The following MARCHF1 variants were observed in gnomAD, a reference collection of about 807,000 sequenced individuals.
MARCHF1 encodes membrane associated ring-CH-type finger 1.
A neutral mutation model predicts 54.2 loss-of-function variants in MARCHF1; 40 were observed. The observed-to-expected ratio is 0.74, with a 90% confidence interval of 0.57 to 0.96. The LOEUF is 0.96. Among genes scored for constraint, MARCHF1 ranks in the 40% least tolerant of loss-of-function variants. The pLI, the probability that MARCHF1 is intolerant of heterozygous loss-of-function variation, is 0.00. For synonymous variants in MARCHF1, 236 were observed against 236.3 expected (o/e 1.00, Z 0.01); for missense variants, 586 against 656.5 (o/e 0.89, Z 1.17).
At chr4:164,159,626 T>C (rs1327352408) in intron 1 of MARCHF1, among the ~76,000 whole-genome samples, 2 of 152,150 alleles carry the variant, frequency 1.3e-5, no homozygotes, top group Admixed American at 1.3e-4. Flanking sequence ...ACGTTCTCAA[T>C]ATGAGCTTCT....
chr4:164,220,736 T>C (rs929415033), intron 1 of MARCHF1, among the ~76,000 whole-genome samples: 2 of 147,000 alleles, frequency 1.4e-5, no homozygotes, highest in Non-Finnish European at 3.0e-5. Context: ...TGTATATATG[T>C]AATATATATG....
In MARCHF1 at chr4:163,528,673, A is replaced by C. The variant is rs1045480192; in HGVS notation, c.*75T>G. 7.0e-6 allele frequency: 10 copies of C among 1,423,622 alleles called. No homozygotes were observed. The highest frequency in any genetic ancestry group is 2.2e-5 in the Admixed American group (1 of 46,334). The allele number at this position is 1,423,622 out of a possible 1,614,324, so 88.2% of individuals were successfully genotyped here. A position where few individuals can be genotyped will look rare whatever the true frequency, so the allele number is the denominator to read the frequency against. On this transcript the variant is annotated 3_prime_UTR_variant, in exon 10 of 10. Coordinates refer to ENST00000514618, the MANE Select transcript of MARCHF1 (RefSeq NM_001394959.1). ...GGAGCTGAAGGGAGTAAATAATTCA[A>C]GATCACTTCTGTCATTTGTAGTGGC...
chr4:163,615,151 C>T (rs1379323369), intron 5 of MARCHF1, among the ~76,000 whole-genome samples: 2 of 152,062 alleles, frequency 1.3e-5, no homozygotes, highest in East Asian at 1.9e-4. Context: ...GGTGGCTCTG[C>T]TCTCAAAATG....
At chr4:164,047,545 C>T (rs1054220048) in intron 2 of MARCHF1, among the ~76,000 whole-genome samples, 1 of 152,190 alleles carries the variant, frequency 6.6e-6, no homozygotes, top group African/African-American at 2.4e-5. Flanking sequence ...TTCTGTAATG[C>T]ATCCCAATGT....
intron 3 of MARCHF1, among the ~76,000 whole-genome samples, chr4:163,925,817 T>A (rs1294532001): frequency 1.3e-5 from 2 of 151,614 alleles, no homozygotes; most frequent in Non-Finnish European, 3.0e-5. Context: ...TTAAAATATG[T>A]GGACAGAAAA....
chr4:163,810,098 T>A (rs1032142261), intron 4 of MARCHF1, among the ~76,000 whole-genome samples: 1 of 151,734 alleles, frequency 6.6e-6, no homozygotes, highest in Non-Finnish European at 1.5e-5. Flanking sequence ...TGCCCGACAA[T>A]AAACAAGCCT....
rs956169486 is a variant in MARCHF1 at position 163,854,134 on chromosome 4, T to C, written c.-3A>G. The C allele has an allele frequency of 2.6e-6, 4 of 1,533,326 alleles. No homozygotes were observed. The highest frequency in any genetic ancestry group is 3.5e-6 in the Non-Finnish European group (4 of 1,144,814). The allele number at this position is 1,533,326 out of a possible 1,614,324, so 95.0% of individuals were successfully genotyped here. A position where few individuals can be genotyped will look rare whatever the true frequency, so the allele number is the denominator to read the frequency against. On this transcript the variant is annotated 5_prime_UTR_variant, in exon 4 of 10. Transcript: ENST00000514618. ...ATCGCTTCACACCAGCCCAGCATTT[T>C]CTCCTTCCTCTTATCCCTTTTCAAT... is the stretch of plus-strand genomic sequence containing the variant.
Position 163,612,396 on chromosome 4 carries a change from G to A in MARCHF1, c.885C>T (p.Ser295=). ...MKKTFSETDS[S]TEILGVPEGS... is the part of the protein sequence containing the mutation. Reference sequence around the variant, plus strand: ...CTTCTGGAACTCCCAGTATTTCAGTGCTGGAATCTGTTTCTGAAAATGTCT... The same window carrying A: ...CTTCTGGAACTCCCAGTATTTCAGTACTGGAATCTGTTTCTGAAAATGTCT... Residue 295 remains serine, a synonymous_variant, in exon 7 of 10, where the codon AGC becomes AGT. Transcript: ENST00000514618. 1 of 1,535,404 alleles carries A rather than the reference G, an allele frequency of 6.5e-7. No homozygotes were observed. The highest frequency in any genetic ancestry group is 8.7e-7 in the Non-Finnish European group (1 of 1,146,462).
chr4:163,538,910 A>G (rs1295039105), intron 9 of MARCHF1, among the ~76,000 whole-genome samples: 1 of 152,154 alleles, frequency 6.6e-6, no homozygotes, highest in East Asian at 1.9e-4. Context: ...TGGTCATATG[A>G]CCTGCTTTGG....
intron 8 of MARCHF1, among the ~76,000 whole-genome samples, chr4:163,556,199 G>A (rs1247951569): frequency 6.6e-6 from 1 of 152,112 alleles, no homozygotes; most frequent in East Asian, 1.9e-4. Context: ...CTGCTTTGAT[G>A]AAGCTTATAT....
At position 164,027,392 on chromosome 4, in the gene MARCHF1, A is replaced by AAAAAAAAAAGAAAAAT. The variant is rs1553971149; in HGVS notation, c.-247-38684_-247-38683insATTTTTCTTTTTTTTT. On this transcript the variant is annotated intron_variant, in intron 2 of 9. Coordinates refer to ENST00000514618, the MANE Select transcript of MARCHF1 (RefSeq NM_001394959.1). The stretch of plus-strand genomic sequence containing the variant: ...AAAAAAAAAAAAAAAAAAAAAAAAA[A>AAAAAAAAAAGAAAAAT]AGATACATAGATAAATGGATCTATA... Among the ~76,000 whole-genome samples the AAAAAAAAAAGAAAAAT allele has an allele frequency of 3.4e-5, 2 of 58,982 alleles. 1 individual carries two copies. Among genetic ancestry groups the AAAAAAAAAAGAAAAAT allele is most frequent in the Non-Finnish European group, 6.7e-5 (2 of 29,980 alleles). The allele number at this position is 58,982 out of a possible 152,430, so 38.7% of individuals were successfully genotyped here.
At chr4:163,741,483 T>C (rs1224775575) in intron 4 of MARCHF1, among the ~76,000 whole-genome samples, 1 of 151,622 alleles carries the variant, frequency 6.6e-6, no homozygotes, top group African/African-American at 2.4e-5. Flanking sequence ...CTCAGGAAGC[T>C]GAGGCAGGAG....
At chr4:163,954,728 A>C (rs1388111075) in intron 3 of MARCHF1, among the ~76,000 whole-genome samples, 1 of 152,164 alleles carries the variant, frequency 6.6e-6, no homozygotes, top group Non-Finnish European at 1.5e-5. Context: ...TCTTGTTACA[A>C]ATTCAAATTG....
intron 1 of MARCHF1, among the ~76,000 whole-genome samples, chr4:164,172,458 A>G (rs1054950705): frequency 5.3e-5 from 8 of 152,270 alleles, no homozygotes; most frequent in African/African-American, 1.4e-4. Flanking sequence ...AATTATAGAC[A>G]GAAAGATCTT....
At chr4:163,681,713 C>T (rs1744110489) in intron 5 of MARCHF1, among the ~76,000 whole-genome samples, 4 of 152,216 alleles carry the variant, frequency 2.6e-5, no homozygotes, top group Admixed American at 2.6e-4. Context: ...CTGAGGCTTG[C>T]CCAGCCATGC....
intron 1 of MARCHF1, among the ~76,000 whole-genome samples, chr4:164,272,758 C>T (rs1035365184): frequency 4.0e-5 from 6 of 151,570 alleles, no homozygotes; most frequent in African/African-American, 1.2e-4. Context: ...CTTATAGCTA[C>T]ATTATATATT....
rs550338360 is a variant in MARCHF1, at chr4:164,239,801, T to A, written c.-322-128139A>T. Among the ~76,000 whole-genome samples, 7 of 151,894 alleles carry A rather than the reference T, an allele frequency of 4.6e-5. 1 individual carries two copies. In the South Asian group the frequency reaches 1.4e-3, roughly 31 times the overall value. On this transcript the variant is annotated intron_variant, in intron 1 of 9. Coordinates refer to ENST00000514618, the MANE Select transcript of MARCHF1 (RefSeq NM_001394959.1). ...AGTGTATGTATATGTCATATTCTTC[T>A]TTTCATTTCTTTGACTTCCTCAGCA...
chr4:164,010,825 T>C (rs1404824544), intron 2 of MARCHF1, among the ~76,000 whole-genome samples: 1 of 151,746 alleles, frequency 6.6e-6, no homozygotes, highest in Non-Finnish European at 1.5e-5. Context: ...AGAGCAAAAA[T>C]AACAAACTTG....
chr4:164,071,219 CAT>C (rs1455099338), intron 2 of MARCHF1, among the ~76,000 whole-genome samples: 1 of 152,088 alleles, frequency 6.6e-6, no homozygotes, highest in Non-Finnish European at 1.5e-5. Flanking sequence ...CAAAGTAAAA[CAT>C]GTTTGTTCAA....
Sources: allele counts gnomAD v4.1 joint callset (sites outside exome capture counted in the v4.1 genomes callset), GRCh38; gene constraint gnomAD v4.1.1; transcripts MANE v1.5; gene names NCBI Gene and HGNC (gene_info 2026-07-23, HGNC 2026-07-21).